The following TMEM87B variants were observed in gnomAD, a reference collection of about 807,000 sequenced individuals.
TMEM87B encodes transmembrane protein 87B.
A neutral mutation model predicts 80.3 loss-of-function variants in TMEM87B; 83 were observed. That is an observed-to-expected ratio of 1.03 (90% CI 0.87 to 1.24). The LOEUF (loss-of-function observed/expected upper bound fraction) is 1.24. TMEM87B is among the 50% of genes most tolerant of loss of function. The probability of loss-of-function intolerance (pLI) is 0.00; values close to 1 mark genes in which losing one functional copy is unlikely to be tolerated. For missense variants in TMEM87B, 625 were observed against 674.4 expected, an observed-to-expected ratio of 0.93 and a Z score of 0.81; for synonymous variants, 219 against 230.5, an observed-to-expected ratio of 0.95 and a Z score of 0.45.
At chr2:112,072,846 GT>G (rs1332567849) in intron 4 of TMEM87B, among the ~76,000 whole-genome samples, 4 of 144,144 alleles carry the variant, frequency 2.8e-5, no homozygotes, top group Non-Finnish European at 6.1e-5. Flanking sequence ...AGTTCTTTGA[GT>G]TGTGATGTTA....
chr2:112,118,877 A>G lies in TMEM87B; in HGVS notation c.*2734A>G, dbSNP rs962835494. 6 of 152,262 alleles carry G rather than the reference A, an allele frequency of 3.9e-5. No homozygotes were observed. Among genetic ancestry groups the G allele is most frequent in the East Asian group, 3.9e-4 (2 of 5,190 alleles). 9.4% of individuals were successfully genotyped at this position (152,262 alleles called of 1,614,324 possible). ...TACATGACTAAAGTTGACAGATGCT[A>G]TGCTAGATTTATAATCACTAGTTCT... On this transcript the variant is annotated 3_prime_UTR_variant, in exon 19 of 19. Coordinates refer to ENST00000283206, the MANE Select transcript of TMEM87B (RefSeq NM_032824.3).
At chr2:112,096,011 C>G (rs983808861) in intron 11 of TMEM87B, among the ~76,000 whole-genome samples, 1 of 151,816 alleles carries the variant, frequency 6.6e-6, no homozygotes, top group Non-Finnish European at 1.5e-5. Context: ...TAAGACACCC[C>G]CCTCCAAACC....
intron 1 of TMEM87B, among the ~76,000 whole-genome samples, chr2:112,056,280 C>A (rs1021955785): frequency 1.3e-5 from 2 of 151,886 alleles, no homozygotes; most frequent in Admixed American, 6.6e-5. Flanking sequence ...GCAGTAGTCA[C>A]CCTACCTCTA....
At chr2:112,058,755 A>G (rs1441968663) in intron 1 of TMEM87B, among the ~76,000 whole-genome samples, 1 of 152,256 alleles carries the variant, frequency 6.6e-6, no homozygotes, top group Non-Finnish European at 1.5e-5. Context: ...TATTGCAGAA[A>G]TTAGGCAGGA....
At chr2:112,105,262 C>T (rs193256214) in intron 15 of TMEM87B, among the ~76,000 whole-genome samples, 2 of 152,246 alleles carry the variant, frequency 1.3e-5, no homozygotes, top group African/African-American at 2.4e-5. Context: ...TTATTTATTA[C>T]ATCAGCTTAT....
At chr2:112,101,011 T>G (rs1197803751) in intron 15 of TMEM87B, among the ~76,000 whole-genome samples, 2 of 152,212 alleles carry the variant, frequency 1.3e-5, no homozygotes, top group East Asian at 3.8e-4. Context: ...TAAGTTTCTT[T>G]GAGTTGCATC....
chr2:112,118,572 T>C lies in TMEM87B; in HGVS notation c.*2429T>C, dbSNP rs1680082803. On this transcript the variant is annotated 3_prime_UTR_variant, in exon 19 of 19. Coordinates refer to ENST00000283206, the MANE Select transcript of TMEM87B (RefSeq NM_032824.3). ...TTTAGATTAGTATTTAAATATCTGC[T>C]TTAGATAGCAATTAATTTTATTGTA... 6.6e-6 allele frequency: 1 copy of C among 152,212 alleles called. No homozygotes were observed. The allele number at this position is 152,212 out of a possible 1,614,324, so 9.4% of individuals were successfully genotyped here. A position where few individuals can be genotyped will look rare whatever the true frequency, so the allele number is the denominator to read the frequency against.
Position 112,118,677 on chromosome 2 carries a change from G to T in TMEM87B, c.*2534G>T, listed in dbSNP as rs535752643. 1.3e-5 allele frequency: 2 copies of T among 152,096 alleles called. No homozygotes were observed. Among genetic ancestry groups the T allele is most frequent in the South Asian group, 4.2e-4 (2 of 4,814 alleles). 9.4% of individuals were successfully genotyped at this position (152,096 alleles called of 1,614,324 possible). A position where few individuals can be genotyped will look rare whatever the true frequency, so the allele number is the denominator to read the frequency against. ...AATGTTCCCATATTTTTCTTGTAAA[G>T]AAAATAATATTTTAACTTACACATC... On this transcript the variant is annotated 3_prime_UTR_variant, in exon 19 of 19. Coordinates refer to ENST00000283206, the MANE Select transcript of TMEM87B (RefSeq NM_032824.3).
At chr2:112,065,398 C>T (rs367613163) in intron 3 of TMEM87B, among the ~76,000 whole-genome samples, 173 of 152,110 alleles carry the variant, frequency 1.1e-3, no homozygotes, top group African/African-American at 3.9e-3. Context: ...GTAATTCCTG[C>T]GCTTTGGGAA....
chr2:112,079,477 G>T (rs1382796223), intron 6 of TMEM87B, among the ~76,000 whole-genome samples: 1 of 152,150 alleles, frequency 6.6e-6, no homozygotes, highest in East Asian at 1.9e-4. Context: ...GTATTTCATT[G>T]TGTATATATA....
chr2:112,069,214 A>AAC (rs1452909852), intron 4 of TMEM87B, among the ~76,000 whole-genome samples: 1 of 151,662 alleles, frequency 6.6e-6, no homozygotes, highest in African/African-American at 2.4e-5. Context: ...AAAAAAAAAA[A>AAC]AAAAAAACTC....
intron 17 of TMEM87B, among the ~76,000 whole-genome samples, chr2:112,110,841 AG>A (rs1362835906): frequency 6.6e-6 from 1 of 152,122 alleles, no homozygotes; most frequent in East Asian, 1.9e-4. Context: ...TGATCGTTCA[AG>A]GGTGCTGCTT....
Position 112,119,078 on chromosome 2 carries a change from G to A in TMEM87B, c.*2935G>A, listed in dbSNP as rs1267719411. On this transcript the variant is annotated 3_prime_UTR_variant, in exon 19 of 19. Coordinates refer to ENST00000283206, the MANE Select transcript of TMEM87B (RefSeq NM_032824.3). ...TTAAGGAAGTGTACATTATAATATT[G>A]GAGCTCAGTACTGCATGAAGAGACT... 2.0e-5 allele frequency: 3 copies of A among 152,022 alleles called. No homozygotes were observed. The highest frequency in any genetic ancestry group is 4.4e-5 in the Non-Finnish European group (3 of 67,976). The allele number at this position is 152,022 out of a possible 1,614,324, so 9.4% of individuals were successfully genotyped here.
At chr2:112,060,339 ACT>A (rs70962981) in intron 2 of TMEM87B, among the ~76,000 whole-genome samples, 43,014 of 151,786 alleles carry the variant, frequency 0.28, 6,248 homozygotes, top group Middle Eastern at 0.43. Context: ...ACACAGTGAG[ACT>A]CTGTCTCAAA....
chr2:112,094,843 C>T (rs943728679), intron 11 of TMEM87B, among the ~76,000 whole-genome samples: 32 of 151,920 alleles, frequency 2.1e-4, no homozygotes, highest in Admixed American at 2.1e-3. Context: ...TCAGATTGCT[C>T]TTTGGTAATT....
chr2:112,079,926 CT>C (rs61341379), intron 6 of TMEM87B, among the ~76,000 whole-genome samples: 8,070 of 83,530 alleles, frequency 0.097, 88 homozygotes, highest in African/African-American at 0.16. Context: ...GGTCCCTTGC[CT>C]TTTTTTTTTT....
intron 3 of TMEM87B, among the ~76,000 whole-genome samples, chr2:112,064,800 T>C (rs1678369432): frequency 6.6e-6 from 1 of 152,210 alleles, no homozygotes; most frequent in Non-Finnish European, 1.5e-5. Context: ...TCTTGATGAT[T>C]CTCGTGATAG....
intron 9 of TMEM87B, 27 bp downstream of exon 9, chr2:112,086,131 C>A: frequency 6.3e-7 from 1 of 1,581,332 alleles, no homozygotes; most frequent in Non-Finnish European, 8.7e-7. Flanking sequence ...GGGAAAAATG[C>A]TGGGTCCCAG....
At chr2:112,086,359 A>G (rs575402246) in intron 9 of TMEM87B, among the ~76,000 whole-genome samples, 25 of 152,380 alleles carry the variant, frequency 1.6e-4, no homozygotes, top group African/African-American at 5.8e-4. Context: ...GGATAATGGA[A>G]AATCTAAAAT....
Sources: gnomAD v4.1 joint callset for allele counts (sites outside exome capture counted in the v4.1 genomes callset) on GRCh38, gnomAD v4.1.1 for gene constraint, MANE v1.5 for transcripts, NCBI Gene and HGNC (gene_info 2026-07-23, HGNC 2026-07-21) for gene names.